HAUS6: variants seen among roughly 807,000 people sequenced by gnomAD.
HAUS6 encodes the protein HAUS augmin like complex subunit 6, also known as HAUS augmin-like complex subunit 6.
HAUS6 carries 80 observed loss-of-function variants against 106.8 expected under a neutral mutation model. The observed-to-expected ratio is 0.75, with a 90% CI of 0.63 to 0.90. The LOEUF is 0.90. Ranked by LOEUF, HAUS6 falls within the 40% of genes least tolerant of loss-of-function variation. HAUS6 has a pLI of 0.00. For missense variants in HAUS6, 1,155 were observed against 1,118.1 expected (o/e 1.03, Z -0.47); for synonymous variants, 356 against 379.1 (o/e 0.94, Z 0.71).
intron 14 of HAUS6, 80 bp from the exon 15 acceptor site, chr9:19,060,303 A>G: frequency 8.7e-7 from 1 of 1,148,726 alleles, no homozygotes; most frequent in African/African-American, 1.6e-5. Context: ...TAAGGATAAT[A>G]AGCACTTCAC....
chr9:19,086,447 T>A (rs1000019067), intron 7 of HAUS6, among the ~76,000 whole-genome samples: 6 of 151,756 alleles, frequency 4.0e-5, no homozygotes, highest in Non-Finnish European at 8.8e-5. Flanking sequence ...ATGGTGAAAC[T>A]CTATCTCTAC....
Position 19,056,137 on chromosome 9 carries a change from A to G in HAUS6, c.*206T>C, listed in dbSNP as rs111523708. On this transcript the variant is annotated 3_prime_UTR_variant, in exon 17 of 17. Transcript: ENST00000380502. ...TGTTGTCCAAATACTTCACATTTCA[A>G]TCTCATATACCTACAAAGAGGAAAA... The G allele has an allele frequency of 2.3e-6, 1 of 429,162 alleles. No individual in the cohort carries two copies. The allele number at this position is 429,162 out of a possible 1,614,324, so 26.6% of individuals were successfully genotyped here.
chr9:19,096,836 C>T (rs149763588), intron 1 of HAUS6, 67 bp from the exon 2 acceptor site: 1 of 687,386 alleles, frequency 1.5e-6, no homozygotes, highest in East Asian at 3.0e-5. Flanking sequence ...TCATCAAAAG[C>T]TGAGTAAGAC....
chr9:19,081,021 G>A (rs992250995), intron 8 of HAUS6, among the ~76,000 whole-genome samples: 5 of 151,998 alleles, frequency 3.3e-5, no homozygotes, highest in African/African-American at 7.2e-5. Context: ...GCAGTGAGCC[G>A]AGATTGTGCC....
chr9:19,098,436 C>A (rs867665228), intron 1 of HAUS6, among the ~76,000 whole-genome samples: 212 of 123,272 alleles, frequency 1.7e-3, no homozygotes, highest in South Asian at 2.8e-3. Flanking sequence ...GACTTCGTCT[C>A]AAAAAAAAAA....
At chr9:19,076,535 A>G in intron 11 of HAUS6, 67 bp downstream of exon 11, 1 of 767,000 alleles carries the variant, frequency 1.3e-6, no homozygotes, top group East Asian at 2.5e-5. Flanking sequence ...TTAAAGAACT[A>G]TTATTATAAT....
intron 11 of HAUS6, among the ~76,000 whole-genome samples, chr9:19,073,475 G>A (rs1026975536): frequency 9.9e-5 from 15 of 151,118 alleles, no homozygotes; most frequent in African/African-American, 3.4e-4. Context: ...TTCCTAAACG[G>A]ACACATTTTC....
In HAUS6 at chr9:19,078,205, G is replaced by C; in HGVS notation, c.1162C>G (p.Pro388Ala). The C allele has an allele frequency of 6.2e-7, 1 of 1,605,380 alleles. No individual in the cohort carries two copies. Among genetic ancestry groups the C allele is most frequent in the Non-Finnish European group, 8.5e-7 (1 of 1,174,212 alleles). The change falls in exon 10 of 17, where the codon CCT becomes GCT. Residue 388 changes from proline to alanine, a missense_variant. Around this residue, in one of 3 missense-constraint regions of HAUS6, gnomAD observed 761 missense variants for 690.0 expected, o/e 1.10. Coordinates refer to ENST00000380502, the MANE Select transcript of HAUS6 (RefSeq NM_017645.5). ...GTCCAACCTTTAATTAGACTGAAAG[G>C]AGACAAACCAAGAAATTCTTTCCAC... is the stretch of plus-strand genomic sequence containing the variant. Reference protein sequence around the residue: ...KKWKEFLGLSPFSLIKGWTPS... With the variant: ...KKWKEFLGLSAFSLIKGWTPS...
In HAUS6 at chr9:19,089,509, G is replaced by T. The variant is rs1314027241; in HGVS notation, c.487C>A (p.His163Asn). 7 of 1,610,064 alleles carry T rather than the reference G, an allele frequency of 4.3e-6. No individual in the cohort carries two copies. The highest frequency in any genetic ancestry group is 6.0e-6 in the Non-Finnish European group (7 of 1,176,374). Residue 163 changes from histidine (H) to asparagine (N), a missense_variant, in exon 5 of 17, where the codon CAC becomes AAC. Physicochemically the swap from His to Asn is moderately conservative, Grantham distance 68. Around this residue, in one of 3 missense-constraint regions of HAUS6, gnomAD observed 761 missense variants for 690.0 expected, o/e 1.10. Coordinates refer to ENST00000380502, the MANE Select transcript of HAUS6 (RefSeq NM_017645.5). ...ETFNIKPQDLHKCIARCHFAR... is the reference protein window; with the variant it reads ...ETFNIKPQDLNKCIARCHFAR... ...AAATGGCATCTGGCAATGCATTTGTGCAAGTCCTGTGGTTTTATGTTAAAT... is the reference window on the plus strand; with the variant it reads ...AAATGGCATCTGGCAATGCATTTGTTCAAGTCCTGTGGTTTTATGTTAAAT...
At chr9:19,072,418 CAGA>C (rs1313870817) in intron 11 of HAUS6, among the ~76,000 whole-genome samples, 1 of 150,724 alleles carries the variant, frequency 6.6e-6, no homozygotes, top group Non-Finnish European at 1.5e-5. Flanking sequence ...GAAGCTTAGG[CAGA>C]AGAATTGCTT....
At chr9:19,064,775 T>C (rs1015862286) in intron 12 of HAUS6, among the ~76,000 whole-genome samples, 1 of 152,306 alleles carries the variant, frequency 6.6e-6, no homozygotes, top group East Asian at 1.9e-4. Context: ...TAATTCAAAA[T>C]CACTGCAATC....
chr9:19,084,484 T>C (rs1837240702), intron 7 of HAUS6, among the ~76,000 whole-genome samples: 1 of 152,186 alleles, frequency 6.6e-6, no homozygotes, highest in Non-Finnish European at 1.5e-5. Context: ...TATATACTTA[T>C]GAGTTACACA....
intron 10 of HAUS6, among the ~76,000 whole-genome samples, chr9:19,077,842 C>G (rs573066926): frequency 5.9e-5 from 9 of 152,104 alleles, no homozygotes; most frequent in Non-Finnish European, 1.0e-4. Flanking sequence ...AGGAAGATCC[C>G]TTGAGCCCAG....
intron 1 of HAUS6, among the ~76,000 whole-genome samples, chr9:19,102,232 C>T (rs543361939): frequency 1.3e-5 from 2 of 152,126 alleles, no homozygotes; most frequent in Admixed American, 1.3e-4. Flanking sequence ...CTTCACAGAC[C>T]ACCCCTCCAC....
At chr9:19,076,103 T>C (rs1176502300) in intron 11 of HAUS6, among the ~76,000 whole-genome samples, 1 of 151,750 alleles carries the variant, frequency 6.6e-6, no homozygotes, top group Admixed American at 6.6e-5. Flanking sequence ...CTCATGCCTG[T>C]AATCCCAGCA....
chr9:19,098,856 C>G (rs1346253054), intron 1 of HAUS6, among the ~76,000 whole-genome samples: 1 of 151,966 alleles, frequency 6.6e-6, no homozygotes, highest in Non-Finnish European at 1.5e-5. Context: ...AACCCCGTCT[C>G]TACTAAAAAT....
At chr9:19,059,466 A>G (rs1836560019) in intron 15 of HAUS6, among the ~76,000 whole-genome samples, 1 of 152,238 alleles carries the variant, frequency 6.6e-6, no homozygotes, top group Non-Finnish European at 1.5e-5. Flanking sequence ...ATACAAAAAC[A>G]CACAAGGTGG....
intron 7 of HAUS6, among the ~76,000 whole-genome samples, chr9:19,086,507 C>A (rs983553838): frequency 6.6e-6 from 1 of 151,700 alleles, no homozygotes; most frequent in East Asian, 1.9e-4. Flanking sequence ...GTAATCCCAG[C>A]TACTTAGGAG....
At chr9:19,097,147 C>T (rs1588629641) in intron 1 of HAUS6, among the ~76,000 whole-genome samples, 1 of 152,194 alleles carries the variant, frequency 6.6e-6, no homozygotes, top group East Asian at 1.9e-4. Flanking sequence ...CATAAAAACC[C>T]TAGAAGAAAA....
Sources: gnomAD v4.1 joint callset for allele counts (sites outside exome capture counted in the v4.1 genomes callset) on GRCh38, gnomAD v4.1.1 for gene constraint, gnomAD v4.1.1 regional missense constraint, MANE v1.5 for transcripts, NCBI Gene and HGNC (gene_info 2026-07-23, HGNC 2026-07-21) for gene names.